SNAP23: variants seen among roughly 807,000 people sequenced by gnomAD.
SNAP23 encodes synaptosome associated protein 23, also known as synaptosomal-associated protein 23.
In SNAP23, 11 loss-of-function variants were observed where a neutral mutation model predicts 29.0. The observed-to-expected ratio is 0.38, with a 90% CI of 0.24 to 0.63. SNAP23 has a LOEUF of 0.63. Ranked by LOEUF, SNAP23 falls within the 20% of genes least tolerant of loss-of-function variation. The probability of loss-of-function intolerance (pLI) is 0.58; values close to 1 mark genes in which losing one functional copy is unlikely to be tolerated. For synonymous variants in SNAP23, 60 were observed against 82.9 expected, an observed-to-expected ratio of 0.72 and a Z score of 1.50; for missense variants, 220 against 253.9, an observed-to-expected ratio of 0.87 and a Z score of 0.91.
chr15:42,524,372 AC>A (rs531843327), intron 5 of SNAP23, among the ~76,000 whole-genome samples: 1 of 151,560 alleles, frequency 6.6e-6, no homozygotes, highest in Non-Finnish European at 1.5e-5. Flanking sequence ...GGGGCCCTCA[AC>A]CCCCCCAGCC....
chr15:42,517,716 C>T (rs2057408880), intron 5 of SNAP23, among the ~76,000 whole-genome samples: 1 of 152,092 alleles, frequency 6.6e-6, no homozygotes, highest in African/African-American at 2.4e-5. Context: ...CAAGAGAAGG[C>T]ATTACTTTTT....
intron 4 of SNAP23, 148 bp downstream of exon 4, chr15:42,513,595 A>G (rs928051404): frequency 5.9e-6 from 4 of 680,858 alleles, no homozygotes; most frequent in Non-Finnish European, 1.0e-5. Flanking sequence ...TCTGATTTGA[A>G]TTATATATCA....
upstream of SNAP23, among the ~76,000 whole-genome samples, chr15:42,492,417 C>T (rs546196919): frequency 7.2e-5 from 11 of 152,076 alleles, no homozygotes; most frequent in African/African-American, 2.6e-4. Flanking sequence ...CAGTGGCTCA[C>T]GCCTGTAATC....
chr15:42,499,217 C>T (rs959980859), intron 1 of SNAP23, among the ~76,000 whole-genome samples: 3 of 151,980 alleles, frequency 2.0e-5, no homozygotes, highest in Admixed American at 6.6e-5. Context: ...TACAGGCAGG[C>T]GCCACCATAC....
intron 5 of SNAP23, chr15:42,527,985 T>C (rs1026437803): frequency 9.1e-6 from 3 of 329,794 alleles, no homozygotes; most frequent in Non-Finnish European, 1.7e-5. Flanking sequence ...AAAAATCAAA[T>C]AGTTGCCTTT....
At chr15:42,491,271 C>G (rs898324652), upstream of SNAP23, 1 of 152,428 alleles carries the variant, frequency 6.6e-6, no homozygotes, top group Admixed American at 6.5e-5. Flanking sequence ...GGAGGAAGAA[C>G]AAAGGCAGGC....
chr15:42,498,124 A>G (rs2141497025), intron 1 of SNAP23, among the ~76,000 whole-genome samples: 2 of 152,218 alleles, frequency 1.3e-5, no homozygotes, highest in East Asian at 1.9e-4. Context: ...CCAGGTTCAT[A>G]GTGCAAGCTG....
At chr15:42,526,252 T>C (rs555906003) in intron 5 of SNAP23, among the ~76,000 whole-genome samples, 2 of 152,318 alleles carry the variant, frequency 1.3e-5, no homozygotes, top group African/African-American at 4.8e-5. Flanking sequence ...TTCTTATTAT[T>C]AACAAAGAAT....
intron 1 of SNAP23, among the ~76,000 whole-genome samples, chr15:42,498,661 G>A (rs2057243951): frequency 1.3e-5 from 2 of 152,144 alleles, no homozygotes; most frequent in Non-Finnish European, 2.9e-5. Context: ...GTTACTTAAC[G>A]CAAATTTCTA....
chr15:42,527,913 T>C, intron 5 of SNAP23: 1 of 191,994 alleles, frequency 5.2e-6, no homozygotes, highest in Non-Finnish European at 1.1e-5. Flanking sequence ...CTTTTCTAGA[T>C]AGTGCTGGAT....
At chr15:42,509,729 C>T (rs148223360) in intron 1 of SNAP23, among the ~76,000 whole-genome samples, 301 of 152,212 alleles carry the variant, frequency 2.0e-3, no homozygotes, top group African/African-American at 6.9e-3. Context: ...TGAGCCACTG[C>T]GCCTGGCCCT....
At chr15:42,529,649 T>C in intron 6 of SNAP23, 26 bp from the exon 7 acceptor site, 1 of 1,601,738 alleles carries the variant, frequency 6.2e-7, no homozygotes, top group Non-Finnish European at 8.5e-7. Flanking sequence ...ACAAAACCTA[T>C]GGAATTAACT....
upstream of SNAP23, among the ~76,000 whole-genome samples, chr15:42,494,159 T>G (rs2057196063): frequency 6.6e-6 from 1 of 151,988 alleles, no homozygotes; most frequent in Non-Finnish European, 1.5e-5. Flanking sequence ...CCTTCATCAT[T>G]CTCCCTCCTT....
chr15:42,491,256 A>C (rs2057159678), upstream of SNAP23: 1 of 152,420 alleles, frequency 6.6e-6, no homozygotes, highest in Non-Finnish European at 1.5e-5. Context: ...TTTCTCAAAA[A>C]GAATGGAGGA....
chr15:42,516,929 G>A (rs80023053), intron 5 of SNAP23, among the ~76,000 whole-genome samples: 2,799 of 152,088 alleles, frequency 0.018, 77 homozygotes, highest in African/African-American at 0.064. Flanking sequence ...TGAAAGTTCT[G>A]TATTTTTTGA....
At chr15:42,524,123 GTT>G (rs1430819067) in intron 5 of SNAP23, among the ~76,000 whole-genome samples, 7 of 151,728 alleles carry the variant, frequency 4.6e-5, no homozygotes, top group Non-Finnish European at 1.0e-4. Context: ...GCTTTTTTTT[GTT>G]TTGTTTTAAT....
chr15:42,521,383 A>G (rs1252261137), intron 5 of SNAP23: 3 of 910,844 alleles, frequency 3.3e-6, no homozygotes, highest in Non-Finnish European at 3.9e-6. Flanking sequence ...TCATCACCCA[A>G]AATTCTGAGG....
At chr15:42,518,105 T>C (rs890876234) in intron 5 of SNAP23, among the ~76,000 whole-genome samples, 5 of 152,176 alleles carry the variant, frequency 3.3e-5, no homozygotes, top group Admixed American at 3.3e-4. Context: ...GAAGAAAGTA[T>C]TATCTCAGTT....
At chr15:42,508,920 G>A (rs2057336854) in intron 1 of SNAP23, among the ~76,000 whole-genome samples, 1 of 152,132 alleles carries the variant, frequency 6.6e-6, no homozygotes, top group South Asian at 2.1e-4. Flanking sequence ...ATGGATTAGT[G>A]TATATTATTT....
Sources: gnomAD v4.1 joint callset for allele counts (sites outside exome capture counted in the v4.1 genomes callset) on GRCh38, gnomAD v4.1.1 for gene constraint, MANE v1.5 for transcripts, NCBI Gene and HGNC (gene_info 2026-07-23, HGNC 2026-07-21) for gene names.